Variants in DYSF observed in about 807,000 individuals in gnomAD.
DYSF encodes dystrophy-associated fer-1-like 1.
Under a neutral mutation model 274.9 loss-of-function variants are expected in DYSF, and 212 were observed. The observed-to-expected ratio is 0.77, with a 90% CI of 0.69 to 0.86. DYSF has a LOEUF of 0.86. Ranked by LOEUF, DYSF falls within the 40% of genes least tolerant of loss-of-function variation. The pLI is 0.00. For missense variants in DYSF, 2,666 were observed against 2,783.2 expected (o/e 0.96, Z 0.95); for synonymous variants, 1,091 against 1,078.7 (o/e 1.01, Z -0.22).
rs570109324 is a variant in DYSF at position 71,485,047 on chromosome 2, C to G, written c.239+3077C>G. Among the ~76,000 whole-genome samples, 8 of 152,290 alleles carry G rather than the reference C, an allele frequency of 5.3e-5. No individual in the cohort carries two copies. In the East Asian group the frequency reaches 1.5e-3, roughly 29 times the overall value. On this transcript the variant is annotated intron_variant, in intron 3 of 55. Transcript: ENST00000410020. ...CCTCAAAGATCAGTTTATGGGACAG[C>G]CAATTCACCAACCTCACCCGTTTAC...
At chr2:71,673,982 T>A (rs1359514274) in intron 51 of DYSF, among the ~76,000 whole-genome samples, 1 of 152,208 alleles carries the variant, frequency 6.6e-6, no homozygotes, top group African/African-American at 2.4e-5. Flanking sequence ...AGCCATCTTA[T>A]GTGAACTGAG....
At chr2:71,518,851 G>C (rs1482141976) in intron 10 of DYSF, among the ~76,000 whole-genome samples, 1 of 151,792 alleles carries the variant, frequency 6.6e-6, no homozygotes, top group African/African-American at 2.4e-5. Flanking sequence ...CCAGTGCTTT[G>C]GGAGGCCAAG....
At chr2:71,585,144 A>G (rs2093024033) in intron 30 of DYSF, among the ~76,000 whole-genome samples, 1 of 152,202 alleles carries the variant, frequency 6.6e-6, no homozygotes, top group Non-Finnish European at 1.5e-5. Flanking sequence ...TGGAGATGCT[A>G]CTGGTATCTA....
Position 71,570,249 on chromosome 2 carries a change from C to T in DYSF, c.3000C>T (p.Pro1000=), listed in dbSNP as rs368460619. The stretch of plus-strand genomic sequence containing the variant: ...CTTAGAACGGGGAGAAGGTGCTTCC[C>T]AAGGATGACATTGAGTGCCCACTGG... ...YTDVNGEKVL[P]KDDIECPLGW... is the part of the protein sequence containing the mutation. Residue 1000 remains proline (P), a synonymous_variant, in exon 28 of 56, where the codon CCC becomes CCT. Transcript: ENST00000410020. 1 of 1,614,088 alleles carries T rather than the reference C, an allele frequency of 6.2e-7. No individual in the cohort carries two copies. Among genetic ancestry groups the T allele is most frequent in the Non-Finnish European group, 8.5e-7 (1 of 1,179,996 alleles).
Position 71,667,382 on chromosome 2 carries a change from G to A in DYSF, c.5324G>A (p.Gly1775Asp). 1.9e-6 allele frequency: 3 copies of A among 1,614,106 alleles called. No individual in the cohort carries two copies. The South Asian group carries it at 3.3e-5, about 18-fold the overall frequency. The change falls in exon 48 of 56, where the codon GGC (glycine) becomes GAC (aspartate). Residue 1775 changes from glycine (G) to aspartate (D), a missense_variant. Around this residue, in one of 3 missense-constraint regions of DYSF, gnomAD observed 1,460 missense variants for 1,502.1 expected, o/e 0.97. Transcript: ENST00000410020. ...KEYSIEEIEA[G>D]RIPNPHLGPV... ...TGTCTTCTCTCTGGGGCAGAGGCTGGCAGGATCCCAAACCCACACCTGGGC... is the reference window on the plus strand; with the variant it reads ...TGTCTTCTCTCTGGGGCAGAGGCTGACAGGATCCCAAACCCACACCTGGGC...
intron 1 of DYSF, among the ~76,000 whole-genome samples, 164 bp from the exon 2 acceptor site, chr2:71,480,719 T>C (rs754120028): frequency 2.0e-5 from 3 of 152,132 alleles, no homozygotes; most frequent in Admixed American, 1.3e-4. Flanking sequence ...GTGATTGGCA[T>C]TGGGGATTCA....
chr2:71,510,016 G>T (rs2085918106), intron 4 of DYSF, among the ~76,000 whole-genome samples: 1 of 152,186 alleles, frequency 6.6e-6, no homozygotes, highest in Non-Finnish European at 1.5e-5. Flanking sequence ...GACCTCAAGA[G>T]ATCCGCCTGG....
chr2:71,681,025 A>G lies in DYSF; in HGVS notation c.6088A>G (p.Ile2030Val), dbSNP rs1373300087. The G allele has an allele frequency of 6.2e-7, 1 of 1,614,100 alleles. No individual in the cohort carries two copies. ...LAGKLEMTLE[I>V]VAESEHEERP... ...GGGCAAGCTGGAAATGACCTTGGAG[A>G]TTGTAGCAGAGAGTGAGCATGAGGA... The change falls in exon 54 of 56, where the codon ATT (isoleucine) becomes GTT (valine). Residue 2030 changes from isoleucine (I) to valine (V), a missense_variant. By Grantham distance (29) the Ile-to-Val change is conservative. Coordinates refer to ENST00000410020, the MANE Select transcript of DYSF (RefSeq NM_001130987.2).
chr2:71,560,422 C>CACAGGGCTCCGGCCCAGGCCCCCCCCG lies in DYSF; in HGVS notation c.2217-1330_2217-1329insACAGGGCTCCGGCCCAGGCCCCCCCCG, dbSNP rs1359024539. ...CAGGCCTGGTTCCCAGGCAGGCCCCCGCCCCGCTACCCACCGAGCATGCCC... is the reference window on the plus strand; with the variant it reads ...CAGGCCTGGTTCCCAGGCAGGCCCCCACAGGGCTCCGGCCCAGGCCCCCCCCGGCCCCGCTACCCACCGAGCATGCCC... On this transcript the variant is annotated intron_variant, in intron 22 of 55. Transcript: ENST00000410020. Among the ~76,000 whole-genome samples, 19 of 14,848 alleles carry CACAGGGCTCCGGCCCAGGCCCCCCCCG rather than the reference C, an allele frequency of 1.3e-3. 1 individual carries two copies. Among genetic ancestry groups the CACAGGGCTCCGGCCCAGGCCCCCCCCG allele is most frequent in the Non-Finnish European group, 2.7e-3 (14 of 5,136 alleles). The allele number at this position is 14,848 out of a possible 152,430, so 9.7% of individuals were successfully genotyped here. A position where few individuals can be genotyped will look rare whatever the true frequency, so the allele number is the denominator to read the frequency against.
chr2:71,488,034 C>T (rs1009455478), intron 3 of DYSF, among the ~76,000 whole-genome samples: 3 of 151,748 alleles, frequency 2.0e-5, no homozygotes, highest in Non-Finnish European at 2.9e-5. Context: ...GGAAGTTGGA[C>T]TTAGTGGAAA....
chr2:71,557,059 C>G (rs1295454405), intron 22 of DYSF, among the ~76,000 whole-genome samples: 1 of 152,162 alleles, frequency 6.6e-6, no homozygotes, highest in East Asian at 1.9e-4. Flanking sequence ...TAGTGGAATT[C>G]CAGACAGGCC....
intron 33 of DYSF, among the ~76,000 whole-genome samples, chr2:71,599,095 C>T (rs149211628): frequency 5.1e-4 from 77 of 152,348 alleles, no homozygotes; most frequent in Admixed American, 1.0e-3. Context: ...CAAACACTTA[C>T]GTTACTGGCT....
chr2:71,642,361 G>A (rs909878693), intron 41 of DYSF, among the ~76,000 whole-genome samples: 1 of 152,202 alleles, frequency 6.6e-6, no homozygotes, highest in Admixed American at 6.5e-5. Context: ...TCCTTTGGAC[G>A]TGACTGTGTA....
At position 71,674,545 on chromosome 2, in the gene DYSF, T is replaced by C. The variant is rs530140203; in HGVS notation, c.5884+249T>C. 2.6e-4 allele frequency among the ~76,000 whole-genome samples: 39 copies of C among 152,282 alleles called. No homozygotes were observed. The South Asian group carries it at 7.9e-3, about 31-fold the overall frequency. On this transcript the variant is annotated intron_variant, in intron 52 of 55. Coordinates refer to ENST00000410020, the MANE Select transcript of DYSF (RefSeq NM_001130987.2). ...AGAGGTGGCACTGAACACTGGGCCATGTTGGATGATGGGACTCAGATATGT... is the reference window on the plus strand; with the variant it reads ...AGAGGTGGCACTGAACACTGGGCCACGTTGGATGATGGGACTCAGATATGT...
At chr2:71,582,263 G>A (rs1334844987) in intron 30 of DYSF, among the ~76,000 whole-genome samples, 1 of 152,050 alleles carries the variant, frequency 6.6e-6, no homozygotes, top group Non-Finnish European at 1.5e-5. Flanking sequence ...GTTAGCACTT[G>A]GCCCTTTATA....
At chr2:71,463,093 T>C (rs926323789), upstream of DYSF, among the ~76,000 whole-genome samples, 1 of 152,174 alleles carries the variant, frequency 6.6e-6, no homozygotes, top group African/African-American at 2.4e-5. Flanking sequence ...CATCAACATG[T>C]CGTCTAGGGC....
At chr2:71,460,924 A>G (rs1372072463) in intron 1 of DYSF, among the ~76,000 whole-genome samples, 2 of 147,208 alleles carry the variant, frequency 1.4e-5, no homozygotes, top group East Asian at 4.0e-4. Context: ...GCCAGGAATC[A>G]TTGTGATAGA....
intron 41 of DYSF, among the ~76,000 whole-genome samples, chr2:71,638,361 C>CAA (rs34513312): frequency 0.023 from 2,992 of 129,882 alleles, 71 homozygotes; most frequent in African/African-American, 0.041. Context: ...CTCATCACTG[C>CAA]AAAAAAAAAA....
At chr2:71,468,095 C>T (rs575957897) in intron 1 of DYSF, among the ~76,000 whole-genome samples, 23 of 152,340 alleles carry the variant, frequency 1.5e-4, no homozygotes, top group African/African-American at 5.3e-4. Context: ...TCACTATTTT[C>T]ATTGATTGGT....
Sources: gnomAD v4.1 joint callset for allele counts (sites outside exome capture counted in the v4.1 genomes callset) on GRCh38, gnomAD v4.1.1 for gene constraint, gnomAD v4.1.1 regional missense constraint, MANE v1.5 for transcripts, NCBI Gene and HGNC (gene_info 2026-07-23, HGNC 2026-07-21) for gene names.